The following CHAF1A variants were observed in gnomAD, a reference collection of about 807,000 sequenced individuals.
CHAF1A encodes CAF-1 subunit A.
In CHAF1A, 5 loss-of-function variants were observed where a neutral mutation model predicts 93.2. The observed-to-expected ratio is 0.05, with a 90% CI of 0.03 to 0.11. The LOEUF is 0.11. Ranked by LOEUF, CHAF1A falls within the 10% of genes least tolerant of loss-of-function variation. CHAF1A has a pLI of 1.00. For synonymous variants in CHAF1A, 504 were observed against 510.3 expected (o/e 0.99, Z 0.17); for missense variants, 1,102 against 1,259.9 (o/e 0.87, Z 1.90).
At chr19:4,427,452 G>C (rs1355897121) in intron 7 of CHAF1A, among the ~76,000 whole-genome samples, 2 of 143,268 alleles carry the variant, frequency 1.4e-5, no homozygotes, top group Non-Finnish European at 3.0e-5. Flanking sequence ...CCTGCCTCAG[G>C]CCCAGGCTAG....
intron 3 of CHAF1A, among the ~76,000 whole-genome samples, chr19:4,411,861 C>G (rs535203350): frequency 6.6e-6 from 1 of 151,850 alleles, no homozygotes. Context: ...GTTGGCCAGG[C>G]TGGCCTCAAA....
downstream of CHAF1A, chr19:4,447,808 T>C (rs2145174199): frequency 3.2e-6 from 2 of 620,644 alleles, no homozygotes; most frequent in South Asian, 1.8e-5. Flanking sequence ...GGACACCCCA[T>C]GGAGCCCACC....
At chr19:4,437,697 C>G (rs1414349662) in intron 13 of CHAF1A, among the ~76,000 whole-genome samples, 3 of 151,968 alleles carry the variant, frequency 2.0e-5, no homozygotes, top group African/African-American at 7.2e-5. Flanking sequence ...ATTTTTTACT[C>G]GGTTACACTT....
intron 8 of CHAF1A, 83 bp from the exon 9 acceptor site, chr19:4,429,355 C>A: frequency 6.8e-7 from 1 of 1,477,598 alleles, no homozygotes; most frequent in Admixed American, 2.1e-5. Flanking sequence ...ATTGTTAGGC[C>A]AGCTTCACAG....
At chr19:4,416,876 C>A (rs972042185) in intron 3 of CHAF1A, among the ~76,000 whole-genome samples, 5 of 152,086 alleles carry the variant, frequency 3.3e-5, no homozygotes, top group Non-Finnish European at 5.9e-5. Flanking sequence ...GCCTCTGTGA[C>A]AGGAGTAAGA....
At chr19:4,444,264 C>T (rs988711987), downstream of CHAF1A, among the ~76,000 whole-genome samples, 4 of 152,176 alleles carry the variant, frequency 2.6e-5, no homozygotes, top group African/African-American at 9.7e-5. Flanking sequence ...CCCCGGGCAC[C>T]TCCCCCAGGT....
At position 4,426,932 on chromosome 19, in the gene CHAF1A, A is replaced by C. The variant is rs1478275971; in HGVS notation, c.1378-1732A>C. Among the ~76,000 whole-genome samples, 3 of 151,724 alleles carry C rather than the reference A, an allele frequency of 2.0e-5. No individual in the cohort carries two copies. In the East Asian group the frequency reaches 5.9e-4, roughly 30 times the overall value. On this transcript the variant is annotated intron_variant, in intron 7 of 14. Coordinates refer to ENST00000301280, the MANE Select transcript of CHAF1A (RefSeq NM_005483.3). ...AAGGTGTCTCTACTAAAAATACTAA[A>C]AATACAAAAATTAGCCGGGCGTGGT...
chr19:4,429,466 G>A lies in CHAF1A; in HGVS notation c.1633G>A (p.Gly545Ser). Residue 545 changes from glycine to serine, a missense_variant, in exon 9 of 15, where the codon GGC becomes AGC. By Grantham distance (56) the Gly-to-Ser change is moderately conservative. Around this residue, in one of 6 missense-constraint regions of CHAF1A, gnomAD observed 335 missense variants for 361.9 expected, o/e 0.93. Transcript: ENST00000301280. Reference sequence around the variant, plus strand: ...TGTCGTCATCGTGGAGCGTGGGAAGGGCGACGGTGTTCCCGAGAGGAGGAA... The same window carrying A: ...TGTCGTCATCGTGGAGCGTGGGAAGAGCGACGGTGTTCCCGAGAGGAGGAA... ...SDVVIVERGK[G>S]DGVPERRKFG... 6.2e-7 allele frequency: 1 copy of A among 1,614,068 alleles called. No individual in the cohort carries two copies. The highest frequency in any genetic ancestry group is 2.2e-5 in the East Asian group (1 of 44,864).
intron 13 of CHAF1A, among the ~76,000 whole-genome samples, chr19:4,437,403 G>A (rs1364315762): frequency 6.6e-6 from 1 of 152,102 alleles, no homozygotes; most frequent in African/African-American, 2.4e-5. Context: ...AGGCCGGAGT[G>A]CAATGGTGCA....
At chr19:4,420,162 G>A (rs1198197062) in intron 4 of CHAF1A, among the ~76,000 whole-genome samples, 2 of 152,158 alleles carry the variant, frequency 1.3e-5, no homozygotes, top group Non-Finnish European at 2.9e-5. Flanking sequence ...TCAGGCTCCA[G>A]ACGTGTGGGA....
At chr19:4,435,086 CCTTT>C (rs1470606970) in intron 13 of CHAF1A, among the ~76,000 whole-genome samples, 1 of 116,156 alleles carries the variant, frequency 8.6e-6, no homozygotes, top group African/African-American at 3.4e-5. Context: ...TCTTTTTTTT[CCTTT>C]TTTTTTTTTT....
intron 3 of CHAF1A, among the ~76,000 whole-genome samples, chr19:4,416,027 A>T (rs1418126289): frequency 6.6e-6 from 1 of 151,980 alleles, no homozygotes; most frequent in Admixed American, 6.6e-5. Flanking sequence ...CAAAAAAATT[A>T]CCCAGGCATG....
chr19:4,442,465 T>C (rs1264571123), intron 14 of CHAF1A, 124 bp downstream of exon 14: 1 of 808,276 alleles, frequency 1.2e-6, no homozygotes, highest in African/African-American at 1.7e-5. Context: ...GGCTTGCAGC[T>C]GGAAGTGGCT....
chr19:4,423,474 C>T (rs1243674294), intron 6 of CHAF1A, 79 bp downstream of exon 6: 8 of 1,607,260 alleles, frequency 5.0e-6, no homozygotes, highest in East Asian at 2.2e-5. Flanking sequence ...TTGCCACAGC[C>T]GTCACCTAAT....
At chr19:4,435,436 G>A (rs1213872197) in intron 13 of CHAF1A, among the ~76,000 whole-genome samples, 3 of 151,786 alleles carry the variant, frequency 2.0e-5, no homozygotes, top group African/African-American at 7.3e-5. Context: ...GCAGTGGCGT[G>A]ATCACCACTC....
intron 7 of CHAF1A, 136 bp downstream of exon 7, chr19:4,424,010 T>C: frequency 1.4e-6 from 1 of 737,818 alleles, no homozygotes; most frequent in Non-Finnish European, 2.3e-6. Context: ...GCACTTCCAT[T>C]TCTGGTTAAG....
chr19:4,441,309 C>G (rs186951038), intron 13 of CHAF1A, among the ~76,000 whole-genome samples: 15 of 151,466 alleles, frequency 9.9e-5, no homozygotes, highest in Admixed American at 3.3e-4. Context: ...TGGCAAGACT[C>G]TGTCTCAAGA....
chr19:4,403,524 A>G (rs950868422), intron 1 of CHAF1A, among the ~76,000 whole-genome samples: 1 of 152,268 alleles, frequency 6.6e-6, no homozygotes, highest in Non-Finnish European at 1.5e-5. Flanking sequence ...TCAGTAAATA[A>G]CGTGAACGAA....
chr19:4,406,024 T>A, intron 2 of CHAF1A, 62 bp downstream of exon 2: 2 of 1,350,834 alleles, frequency 1.5e-6, no homozygotes, highest in South Asian at 2.3e-5. Context: ...TGTCTCTTGT[T>A]GGAGACCTCA....
Sources: gnomAD v4.1 joint callset for allele counts (sites outside exome capture counted in the v4.1 genomes callset) on GRCh38, gnomAD v4.1.1 for gene constraint, gnomAD v4.1.1 regional missense constraint, MANE v1.5 for transcripts, NCBI Gene and HGNC (gene_info 2026-07-23, HGNC 2026-07-21) for gene names.